NDUFB10: variants seen among roughly 807,000 people sequenced by gnomAD.
NDUFB10 encodes the protein NADH:ubiquinone oxidoreductase subunit B10.
In NDUFB10, 23 loss-of-function variants were observed where a neutral mutation model predicts 19.0. The ratio of observed to expected loss-of-function variants is 1.21; its 90% CI spans 0.87 to 1.71. NDUFB10 has a LOEUF of 1.71. NDUFB10 is among the 40% of genes most tolerant of loss of function. NDUFB10 has a pLI of 0.00. For missense variants in NDUFB10, 312 were observed against 230.6 expected (o/e 1.35, Z -2.29); for synonymous variants, 104 against 81.8 (o/e 1.27, Z -1.46).
chr16:1,961,434 T>C, intron 2 of NDUFB10, 63 bp from the exon 3 acceptor site: 2 of 1,600,836 alleles, frequency 1.2e-6, no homozygotes, highest in Non-Finnish European at 1.7e-6. Context: ...TTTCAATTGT[T>C]CTCACAGGGT....
Position 1,961,489 on chromosome 16 carries a change from T to G in NDUFB10, c.270-8T>G, listed in dbSNP as rs760710179. 34 of 1,613,756 alleles carry G rather than the reference T, an allele frequency of 2.1e-5. 1 individual carries two copies. In the South Asian group the frequency reaches 3.5e-4, roughly 17 times the overall value. On this transcript the variant is annotated splice_polypyrimidine_tract_variant and splice_region_variant and intron_variant, in intron 2 of 3. Transcript: ENST00000268668. ...TGATTAGCCTCTCTTGCTCCTTTTC[T>G]CCACCAGCAAAGTCGACCAAGAAAT...
intron 1 of NDUFB10, 90 bp downstream of exon 1, chr16:1,959,844 C>T: frequency 4.5e-6 from 7 of 1,546,138 alleles, no homozygotes; most frequent in Non-Finnish European, 6.2e-6. Context: ...CCTCCGGGGT[C>T]CCGTCTGCCT....
intron 1 of NDUFB10, 43 bp downstream of exon 1, chr16:1,959,797 A>T (rs1289474563): frequency 1.2e-6 from 2 of 1,606,190 alleles, no homozygotes; most frequent in Non-Finnish European, 1.7e-6. Flanking sequence ...GCCTCTGGGG[A>T]CCCCTGGATC....
chr16:1,961,643 G>GGGGCCCCCCCCCCCCC lies in NDUFB10; in HGVS notation c.409+7_409+8insGGGCCCCCCCCCCCCC. The GGGGCCCCCCCCCCCCC allele has an allele frequency of 1.3e-6, 2 of 1,547,154 alleles. No individual in the cohort carries two copies. ...AAGGCCTACCAGGACCGCTGTGCGTGCCCCACCCACCCCCAACCCCCCACC... is the reference window on the plus strand; with the variant it reads ...AAGGCCTACCAGGACCGCTGTGCGTGGGGCCCCCCCCCCCCCCCCCACCCACCCCCAACCCCCCACC... On this transcript the variant is annotated splice_region_variant and intron_variant, in intron 3 of 3. Coordinates refer to ENST00000268668, the MANE Select transcript of NDUFB10 (RefSeq NM_004548.3).
Position 1,959,636 on chromosome 16 carries a change from C to G in NDUFB10, c.12C>G (p.Ser4Arg). The change falls in exon 1 of 4, where the codon AGC becomes AGG. Residue 4 changes from serine (S) to arginine (R), a missense_variant. Transcript: ENST00000268668. ...CGCCCGCCGCCGCCATGCCGGACAG[C>G]TGGGACAAGGATGTGTACCCTGAGC... MPD[S>R]WDKDVYPEPP... The G allele has an allele frequency of 1.2e-6, 2 of 1,610,502 alleles. No homozygotes were observed. The highest frequency in any genetic ancestry group is 1.7e-6 in the Non-Finnish European group (2 of 1,178,584).
rs114155571 is a variant in NDUFB10, at chr16:1,959,589, G to C, written c.-36G>C. 3 of 1,585,822 alleles carry C rather than the reference G, an allele frequency of 1.9e-6. No individual in the cohort carries two copies. Among genetic ancestry groups the C allele is most frequent in the South Asian group, 2.3e-5 (2 of 88,554 alleles). On this transcript the variant is annotated 5_prime_UTR_variant, in exon 1 of 4. Coordinates refer to ENST00000268668, the MANE Select transcript of NDUFB10 (RefSeq NM_004548.3). Reference sequence around the variant, plus strand: ...CCGGACGGAGGTAGAGGCCAGGGCAGCGCGTCCGGGAGCGGAGTCCGCGCC... The same window carrying C: ...CCGGACGGAGGTAGAGGCCAGGGCACCGCGTCCGGGAGCGGAGTCCGCGCC...
At chr16:1,959,851 G>A in intron 1 of NDUFB10, 97 bp downstream of exon 1, 2 of 1,501,172 alleles carry the variant, frequency 1.3e-6, no homozygotes, top group Non-Finnish European at 9.1e-7. Context: ...GGTCCCGTCT[G>A]CCTGAGACCG....
chr16:1,961,018 GAA>G, intron 1 of NDUFB10, 133 bp from the exon 2 acceptor site: 1 of 1,109,634 alleles, frequency 9.0e-7, no homozygotes. Context: ...TTAGAGAGAC[GAA>G]TTGCTGTTTT....
In NDUFB10 at chr16:1,961,148, T is replaced by C. The variant is rs1235389574; in HGVS notation, c.131-5T>C. ...GCATTTGAGTCTGTGGCTTTGTCTT[T>C]GCAGAATTTATAGAGCGGCAGCACG... On this transcript the variant is annotated splice_polypyrimidine_tract_variant and splice_region_variant and intron_variant, in intron 1 of 3. Coordinates refer to ENST00000268668, the MANE Select transcript of NDUFB10 (RefSeq NM_004548.3). The C allele has an allele frequency of 1.2e-6, 2 of 1,613,786 alleles. No individual in the cohort carries two copies. Among genetic ancestry groups the C allele is most frequent in the African/African-American group, 2.7e-5 (2 of 75,052 alleles).
intron 3 of NDUFB10, 71 bp from the exon 4 acceptor site, chr16:1,961,726 C>A: frequency 7.2e-7 from 1 of 1,381,814 alleles, no homozygotes; most frequent in Non-Finnish European, 9.7e-7. Context: ...CTCCCTTGTG[C>A]TCACTTGACT....
chr16:1,961,848 GGCAGAGGATGCT>G lies in NDUFB10; in HGVS notation c.465_476del (p.Arg156_Gln159del). ...GCCAGGAAGTGCCTGGCCAAACAGA[GGCAGAGGATGCT>G]GCAAGAGAGAAAAGCTGCAAAAGAG... On this transcript the variant is annotated inframe_deletion, in exon 4 of 4. Transcript: ENST00000268668. 1 of 1,564,864 alleles carries G rather than the reference GGCAGAGGATGCT, an allele frequency of 6.4e-7. No individual in the cohort carries two copies. Among genetic ancestry groups the G allele is most frequent in the Non-Finnish European group, 8.7e-7 (1 of 1,154,148 alleles).
At chr16:1,959,953 C>T (rs189222053) in intron 1 of NDUFB10, among the ~76,000 whole-genome samples, 199 bp downstream of exon 1, 1 of 151,882 alleles carries the variant, frequency 6.6e-6, no homozygotes, top group Non-Finnish European at 1.5e-5. Flanking sequence ...CCGGACCTCA[C>T]CTCCCAGGAT....
In NDUFB10 at chr16:1,961,367, G is replaced by A; in HGVS notation, c.269+76G>A. 1.9e-6 allele frequency: 3 copies of A among 1,602,948 alleles called. No individual in the cohort carries two copies. The Admixed American group carries it at 5.1e-5, about 27-fold the overall frequency. On this transcript the variant is annotated intron_variant, in intron 2 of 3. Coordinates refer to ENST00000268668, the MANE Select transcript of NDUFB10 (RefSeq NM_004548.3). The stretch of plus-strand genomic sequence containing the variant: ...ACACTAGTCCCTGGGATGCCACAGG[G>A]TGGCATGCCCAGATTTTAGGGGTGA...
rs145125673 is a variant in NDUFB10 at position 1,961,889 on chromosome 16, G to A, written c.502G>A (p.Ala168Thr). Reference protein sequence around the residue: ...LQERKAAKEAAAATS With the variant: ...LQERKAAKEATAATS ...AGAGAGAAAAGCTGCAAAAGAGGCC[G>A]CCGCTGCCACCTCCTGAGGCAGCTG... is the stretch of plus-strand genomic sequence containing the variant. Residue 168 changes from alanine to threonine, a missense_variant, in exon 4 of 4, where the codon GCC (alanine) becomes ACC (threonine). Coordinates refer to ENST00000268668, the MANE Select transcript of NDUFB10 (RefSeq NM_004548.3). The A allele has an allele frequency of 5.1e-5, 80 of 1,561,704 alleles. No homozygotes were observed. The highest frequency in any genetic ancestry group is 1.8e-4 in the African/African-American group (13 of 73,722).
In NDUFB10 at chr16:1,961,655, C is replaced by A. The variant is rs867669816; in HGVS notation, c.409+19C>A. On this transcript the variant is annotated intron_variant, in intron 3 of 3. Transcript: ENST00000268668. ...GACCGCTGTGCGTGCCCCACCCACC[C>A]CCAACCCCCCACCATCCTCCTGAGG... The A allele has an allele frequency of 1.3e-6, 2 of 1,547,352 alleles. No individual in the cohort carries two copies. The highest frequency in any genetic ancestry group is 2.4e-5 in the East Asian group (1 of 40,916).
rs1262832454 is a variant in NDUFB10 at position 1,961,904 on chromosome 16, T to C, written c.517T>C (p.Ter173ArgextTer16). Residue 173 changes from the stop codon to arginine (R), a stop_lost, in exon 4 of 4, where the codon TGA (stop) becomes CGA (arginine). Coordinates refer to ENST00000268668, the MANE Select transcript of NDUFB10 (RefSeq NM_004548.3). The part of the protein sequence containing the change: ...AAKEAAAATS[*>R] ...AAAAGAGGCCGCCGCTGCCACCTCC[T>C]GAGGCAGCTGTGGGTGCCCCTGCTG... The C allele has an allele frequency of 6.4e-7, 1 of 1,557,438 alleles. No homozygotes were observed. Among genetic ancestry groups the C allele is most frequent in the Non-Finnish European group, 8.7e-7 (1 of 1,149,860 alleles).
At chr16:1,959,909 A>G (rs1567315264) in intron 1 of NDUFB10, among the ~76,000 whole-genome samples, 155 bp downstream of exon 1, 2 of 149,482 alleles carry the variant, frequency 1.3e-5, no homozygotes, top group East Asian at 4.0e-4. Flanking sequence ...GAGACCTCCG[A>G]GCTCCGTCGC....
At position 1,961,881 on chromosome 16, in the gene NDUFB10, A is replaced by G; in HGVS notation, c.494A>G (p.Lys165Arg). 6.4e-7 allele frequency: 1 copy of G among 1,563,464 alleles called. No individual in the cohort carries two copies. The highest frequency in any genetic ancestry group is 1.2e-5 in the South Asian group (1 of 85,030). Residue 165 changes from lysine to arginine, a missense_variant, in exon 4 of 4, where the codon AAA (lysine) becomes AGA (arginine). Lys to Arg is a conservative substitution (Grantham distance 26). Transcript: ENST00000268668. ...QRMLQERKAA[K>R]EAAAATS ...ATGCTGCAAGAGAGAAAAGCTGCAAAAGAGGCCGCCGCTGCCACCTCCTGA... is the reference window on the plus strand; with the variant it reads ...ATGCTGCAAGAGAGAAAAGCTGCAAGAGAGGCCGCCGCTGCCACCTCCTGA...
intron 2 of NDUFB10, 40 bp from the exon 3 acceptor site, chr16:1,961,457 T>C: frequency 6.2e-7 from 1 of 1,610,704 alleles, no homozygotes; most frequent in Non-Finnish European, 8.5e-7. Flanking sequence ...AGGAAAAGGA[T>C]TCCTTGTGAT....
Sources: gnomAD v4.1 joint callset for allele counts (sites outside exome capture counted in the v4.1 genomes callset) on GRCh38, gnomAD v4.1.1 for gene constraint, MANE v1.5 for transcripts, NCBI Gene and HGNC (gene_info 2026-07-23, HGNC 2026-07-21) for gene names.